Variants in USP39 observed in about 807,000 individuals in gnomAD.
The protein encoded by USP39 is ubiquitin carboxyl-terminal hydrolase 39.
Under a neutral mutation model 66.4 loss-of-function variants are expected in USP39, and 38 were observed. That is an observed-to-expected ratio of 0.57 (90% confidence interval 0.44 to 0.75). The LOEUF is 0.75. Among genes scored for constraint, USP39 ranks in the 30% least tolerant of loss-of-function variants. USP39 has a pLI of 0.00. For synonymous variants in USP39, 303 were observed against 274.6 expected (o/e 1.10, Z -1.02); for missense variants, 608 against 714.4 (o/e 0.85, Z 1.70).
chr2:85,623,476 AT>A (rs1674616859), intron 3 of USP39, 169 bp from the exon 4 acceptor site: 3 of 990,868 alleles, frequency 3.0e-6, no homozygotes, highest in Non-Finnish European at 4.2e-6. Flanking sequence ...TTTCTTGCTA[AT>A]TTTTTTATGA....
chr2:85,631,853 A>G lies in USP39; in HGVS notation c.949+907A>G, dbSNP rs562709207. 8.6e-5 allele frequency among the ~76,000 whole-genome samples: 13 copies of G among 151,896 alleles called. 1 individual carries two copies. The South Asian group carries it at 2.7e-3, about 32-fold the overall frequency. ...AACCTCTGCCTCCTGGGTTCAAGGGATTCTCCTGCCTCAGCCTCCCAAGTA... is the reference window on the plus strand; with the variant it reads ...AACCTCTGCCTCCTGGGTTCAAGGGGTTCTCCTGCCTCAGCCTCCCAAGTA... On this transcript the variant is annotated intron_variant, in intron 6 of 12. Transcript: ENST00000323701.
chr2:85,641,090 A>C lies in USP39; in HGVS notation c.1399A>C (p.Asn467His). 6.2e-7 allele frequency: 1 copy of C among 1,613,278 alleles called. No homozygotes were observed. Among genetic ancestry groups the C allele is most frequent in the Non-Finnish European group, 8.5e-7 (1 of 1,179,782 alleles). Reference protein sequence around the residue: ...FTKNNFFVEKNPTIVNFPITN... With the variant: ...FTKNNFFVEKHPTIVNFPITN... ...TAAGAACAACTTCTTTGTTGAGAAGAATCCAACTATTGTCAATTTCCCTAT... is the reference window on the plus strand; with the variant it reads ...TAAGAACAACTTCTTTGTTGAGAAGCATCCAACTATTGTCAATTTCCCTAT... The change falls in exon 10 of 13, where the codon AAT (asparagine) becomes CAT (histidine). Residue 467 changes from asparagine to histidine, a missense_variant. Asn to His is a moderately conservative substitution (Grantham distance 68). Coordinates refer to ENST00000323701, the MANE Select transcript of USP39 (RefSeq NM_006590.4).
upstream of USP39, chr2:85,611,676 C>T (rs1429410331): frequency 1.0e-5 from 16 of 1,563,064 alleles, no homozygotes; most frequent in Non-Finnish European, 1.3e-5. Context: ...ACCTCGGTGT[C>T]GCGGCAGGTA....
chr2:85,625,549 A>G lies in USP39; in HGVS notation c.581A>G (p.Lys194Arg). The G allele has an allele frequency of 6.2e-7, 1 of 1,613,968 alleles. No individual in the cohort carries two copies. The highest frequency in any genetic ancestry group is 8.5e-7 in the Non-Finnish European group (1 of 1,179,868). The change falls in exon 5 of 13, where the codon AAG becomes AGG. Residue 194 changes from lysine (K) to arginine (R), a missense_variant. By Grantham distance (26) the Lys-to-Arg change is conservative (BLOSUM62 2). Transcript: ENST00000323701. ...SSLEDITYVL[K>R]PTFTKQQIAN... Reference sequence around the variant, plus strand: ...TCTTTTGCTTTGCAGTATGTGTTGAAGCCCACTTTCACAAAGCAGCAAATT... The same window carrying G: ...TCTTTTGCTTTGCAGTATGTGTTGAGGCCCACTTTCACAAAGCAGCAAATT...
chr2:85,636,300 T>G (rs1011695663), intron 7 of USP39, among the ~76,000 whole-genome samples, 170 bp downstream of exon 7: 1 of 152,094 alleles, frequency 6.6e-6, no homozygotes, highest in Non-Finnish European at 1.5e-5. Flanking sequence ...AAACCCCATC[T>G]CTACCAAAAA....
At chr2:85,628,794 G>A (rs557636591) in intron 5 of USP39, among the ~76,000 whole-genome samples, 20 of 152,270 alleles carry the variant, frequency 1.3e-4, no homozygotes, top group African/African-American at 4.8e-4. Flanking sequence ...TCTACAAACA[G>A]GAAGTCCTTG....
In USP39 at chr2:85,649,204, G is replaced by A; in HGVS notation, c.*396G>A. Reference sequence around the variant, plus strand: ...AGCCAGTAACTTCGCTCTGTTAGAGGTGGAGGATTTTCCTATGGTTCCCCC... The same window carrying A: ...AGCCAGTAACTTCGCTCTGTTAGAGATGGAGGATTTTCCTATGGTTCCCCC... On this transcript the variant is annotated 3_prime_UTR_variant, in exon 13 of 13. Coordinates refer to ENST00000323701, the MANE Select transcript of USP39 (RefSeq NM_006590.4). 1 of 170,828 alleles carries A rather than the reference G, an allele frequency of 5.9e-6. No homozygotes were observed. Among genetic ancestry groups the A allele is most frequent in the Non-Finnish European group, 1.2e-5 (1 of 80,724 alleles). The allele number at this position is 170,828 out of a possible 1,614,324, so 10.6% of individuals were successfully genotyped here. A position where few individuals can be genotyped will look rare whatever the true frequency, so the allele number is the denominator to read the frequency against.
chr2:85,604,055 C>A (rs1453061121), intron 1 of USP39, among the ~76,000 whole-genome samples: 2 of 152,170 alleles, frequency 1.3e-5, no homozygotes. Context: ...GCGTGGGGAG[C>A]TGAAGTTTGG....
At chr2:85,628,133 C>T (rs1675016410) in intron 5 of USP39, among the ~76,000 whole-genome samples, 2 of 152,036 alleles carry the variant, frequency 1.3e-5, no homozygotes, top group Admixed American at 1.3e-4. Context: ...CTTAAATCCT[C>T]TCATGGCTGC....
At chr2:85,610,396 C>T (rs1673433213), upstream of USP39, 1 of 152,192 alleles carries the variant, frequency 6.6e-6, no homozygotes, top group African/African-American at 2.4e-5. Flanking sequence ...AATCCTGTCA[C>T]ACAGTAGGTA....
At chr2:85,616,038 G>C, upstream of USP39, 1 of 1,289,654 alleles carries the variant, frequency 7.8e-7, no homozygotes, top group South Asian at 2.6e-5. Context: ...GCCAGTGCAG[G>C]AACAGCACCG....
At chr2:85,621,632 T>C (rs1394051527) in intron 3 of USP39, 53 bp downstream of exon 3, 2 of 1,451,602 alleles carry the variant, frequency 1.4e-6, no homozygotes, top group Non-Finnish European at 1.9e-6. Context: ...GACTTTTTTT[T>C]TTTTTTTAAA....
chr2:85,632,448 CTT>C (rs59457171), intron 6 of USP39, among the ~76,000 whole-genome samples: 19 of 135,958 alleles, frequency 1.4e-4, no homozygotes, highest in Non-Finnish European at 7.9e-5. Flanking sequence ...TTTCAACTAT[CTT>C]TTTTTTTTTT....
At chr2:85,646,976 C>T (rs1206730047) in intron 11 of USP39, among the ~76,000 whole-genome samples, 2 of 151,540 alleles carry the variant, frequency 1.3e-5, no homozygotes, top group Non-Finnish European at 2.9e-5. Flanking sequence ...CAACCTCCAC[C>T]TCCTGGGTTC....
chr2:85,636,556 T>C (rs2104323065), intron 7 of USP39, among the ~76,000 whole-genome samples: 1 of 152,310 alleles, frequency 6.6e-6, no homozygotes, highest in African/African-American at 2.4e-5. Flanking sequence ...ACCTAGGCTA[T>C]GCAGTGGCAC....
At chr2:85,611,655 C>T (rs771022217), upstream of USP39, 3 of 1,557,818 alleles carry the variant, frequency 1.9e-6, no homozygotes, top group South Asian at 1.2e-5. Context: ...GCAGGCGGGG[C>T]GGGCGGCCTC....
At chr2:85,613,283 C>T (rs922667081), upstream of USP39, among the ~76,000 whole-genome samples, 2 of 151,888 alleles carry the variant, frequency 1.3e-5, no homozygotes, top group Admixed American at 6.6e-5. Flanking sequence ...CCCAGGCGGG[C>T]AGATCAAGAG....
intron 11 of USP39, chr2:85,646,256 T>C (rs914178399): frequency 6.6e-6 from 1 of 152,256 alleles, no homozygotes; most frequent in African/African-American, 2.4e-5. Context: ...ATATATTTGA[T>C]ATCACATAGA....
chr2:85,625,468 G>T, intron 4 of USP39, 71 bp from the exon 5 acceptor site: 1 of 1,586,992 alleles, frequency 6.3e-7, no homozygotes, highest in Admixed American at 1.8e-5. Flanking sequence ...TGTTTTTGTA[G>T]AAATTACTGT....
Sources: allele counts gnomAD v4.1 joint callset (sites outside exome capture counted in the v4.1 genomes callset), GRCh38; gene constraint gnomAD v4.1.1; transcripts MANE v1.5; gene names NCBI Gene and HGNC (gene_info 2026-07-23, HGNC 2026-07-21).